The following ASIC5 variants were observed in gnomAD, a reference collection of about 807,000 sequenced individuals.
The protein encoded by ASIC5 is acid sensing ion channel subunit family member 5.
In ASIC5, 52 loss-of-function variants were observed where a neutral mutation model predicts 51.2. That is an observed-to-expected ratio of 1.02 (90% CI 0.81 to 1.28). ASIC5 has a LOEUF of 1.28. Ranked by LOEUF, ASIC5 falls within the 50% of genes most tolerant of loss-of-function variation. The pLI, the probability that ASIC5 is intolerant of heterozygous loss-of-function variation, is 0.00. For missense variants in ASIC5, 635 were observed against 595.0 expected, an observed-to-expected ratio of 1.07 and a Z score of -0.70; for synonymous variants, 231 against 200.7, an observed-to-expected ratio of 1.15 and a Z score of -1.28.
intron 8 of ASIC5, among the ~76,000 whole-genome samples, chr4:155,834,661 G>A (rs72681531): frequency 1.8e-4 from 28 of 152,062 alleles, no homozygotes; most frequent in Non-Finnish European, 3.4e-4. Context: ...CGGTTCCCTG[G>A]CAAAGGCCCA....
At chr4:155,865,709 T>C (rs933751923) in intron 1 of ASIC5, among the ~76,000 whole-genome samples, 6 of 152,074 alleles carry the variant, frequency 3.9e-5, no homozygotes, top group African/African-American at 1.4e-4. Flanking sequence ...TTTAGGTAAA[T>C]GTATGACTGT....
chr4:155,866,062 A>G (rs1399044), intron 1 of ASIC5, 125 bp downstream of exon 1: 536,145 of 553,480 alleles, frequency 0.97, 260,213 homozygotes, highest in East Asian at 1. Flanking sequence ...TATATTACTT[A>G]TATTGTGTTC....
At chr4:155,848,466 C>A (rs1023551773) in intron 4 of ASIC5, among the ~76,000 whole-genome samples, 1 of 151,792 alleles carries the variant, frequency 6.6e-6, no homozygotes, top group Non-Finnish European at 1.5e-5. Flanking sequence ...GGTAAGTGTT[C>A]CAGAATTAAT....
chr4:155,843,896 A>G (rs2111241268), intron 4 of ASIC5, 66 bp from the exon 5 acceptor site: 1 of 1,475,702 alleles, frequency 6.8e-7, no homozygotes, highest in Middle Eastern at 1.7e-4. Flanking sequence ...CAAGTTTAGG[A>G]TTTAGTTTTA....
intron 8 of ASIC5, among the ~76,000 whole-genome samples, chr4:155,834,847 G>A (rs1189760484): frequency 6.6e-6 from 1 of 152,132 alleles, no homozygotes; most frequent in Non-Finnish European, 1.5e-5. Flanking sequence ...ATGGCAAAAT[G>A]ATGTGGCAGA....
intron 2 of ASIC5, among the ~76,000 whole-genome samples, chr4:155,860,147 T>G (rs1222719833): frequency 6.6e-6 from 1 of 152,002 alleles, no homozygotes; most frequent in Non-Finnish European, 1.5e-5. Context: ...TTTCTACTGG[T>G]GTATTTTAGT....
At chr4:155,855,252 C>T (rs1741502868) in intron 2 of ASIC5, 2 of 151,988 alleles carry the variant, frequency 1.3e-5, no homozygotes, top group Admixed American at 1.3e-4. Context: ...TAACCTACCT[C>T]AAAGTGTTCT....
chr4:155,830,941 C>A (rs893050706), intron 9 of ASIC5, among the ~76,000 whole-genome samples: 1 of 152,204 alleles, frequency 6.6e-6, no homozygotes, highest in East Asian at 1.9e-4. Flanking sequence ...AGAGCTTTGG[C>A]AAATTTACAT....
intron 7 of ASIC5, 151 bp downstream of exon 7, chr4:155,838,662 G>A: frequency 2.1e-6 from 1 of 479,888 alleles, no homozygotes; most frequent in Non-Finnish European, 3.7e-6. Context: ...GTGTTTGTTA[G>A]CTACTATTTA....
Position 155,863,519 on chromosome 4 carries a change from G to A in ASIC5, c.276C>T (p.Thr92=), listed in dbSNP as rs17033623. Residue 92 remains threonine (T), a synonymous_variant, in exon 2 of 10, where the codon ACC becomes ACT. Transcript: ENST00000537611. ...IRLLNYFTWP[T]TTSIEVQYVE... The stretch of plus-strand genomic sequence containing the variant: ...CATATTGAACCTCAATGGACGTTGT[G>A]GTTGGCCATGTGAAGTAGTTGAGCA... The A allele has an allele frequency of 0.014, 22,942 of 1,613,690 alleles. 971 individuals are homozygous for A. Among genetic ancestry groups the A allele is most frequent in the African/African-American group, 0.096 (7,175 of 74,984 alleles).
At chr4:155,864,382 G>T (rs1011432153) in intron 1 of ASIC5, 3 of 152,022 alleles carry the variant, frequency 2.0e-5, no homozygotes, top group African/African-American at 7.2e-5. Context: ...AGTCTATCAG[G>T]AATCAATCAA....
chr4:155,846,583 G>T (rs1287041116), intron 4 of ASIC5, among the ~76,000 whole-genome samples: 1 of 152,098 alleles, frequency 6.6e-6, no homozygotes, highest in Admixed American at 6.6e-5. Flanking sequence ...ACAGCTTGGA[G>T]GTTAGAAGCA....
chr4:155,852,072 A>G (rs1741393416), intron 4 of ASIC5, 119 bp downstream of exon 4: 1 of 1,217,388 alleles, frequency 8.2e-7, no homozygotes, highest in Non-Finnish European at 1.2e-6. Context: ...GACTAAATTA[A>G]CAAAAACTGA....
intron 7 of ASIC5, among the ~76,000 whole-genome samples, chr4:155,837,400 T>A (rs553656921): frequency 6.6e-6 from 1 of 152,312 alleles, no homozygotes; most frequent in African/African-American, 2.4e-5. Flanking sequence ...GTGATCTCTC[T>A]TGGCTCCTTC....
At chr4:155,865,834 G>C (rs1292049369) in intron 1 of ASIC5, among the ~76,000 whole-genome samples, 1 of 152,056 alleles carries the variant, frequency 6.6e-6, no homozygotes, top group East Asian at 1.9e-4. Flanking sequence ...CTTGCATTGA[G>C]TGCTGATCAA....
chr4:155,837,918 T>C (rs910167805), intron 7 of ASIC5, among the ~76,000 whole-genome samples: 4 of 152,072 alleles, frequency 2.6e-5, no homozygotes, highest in African/African-American at 9.7e-5. Context: ...ATGGTTTTTT[T>C]CCCCAAGCTC....
In ASIC5 at chr4:155,852,251, T is replaced by C. The variant is rs373229990; in HGVS notation, c.651A>G (p.Gln217=). 1.2e-6 allele frequency: 2 copies of C among 1,608,486 alleles called. No individual in the cohort carries two copies. Among genetic ancestry groups the C allele is most frequent in the African/African-American group, 2.7e-5 (2 of 74,466 alleles). The change falls in exon 4 of 10, where the codon CAA becomes CAG. Residue 217 remains glutamine, a synonymous_variant. Transcript: ENST00000537611. ...CAGAGACACTCACTTTTCTCTTTGC[T>C]TGGAGAGTTTCACCATGATTAAAAG... The part of the protein sequence containing the change: ...CFTFNHGETL[Q]AKRKVSVSGR...
At chr4:155,844,992 C>T (rs1446526749) in intron 4 of ASIC5, among the ~76,000 whole-genome samples, 6 of 151,850 alleles carry the variant, frequency 4.0e-5, no homozygotes, top group African/African-American at 1.5e-4. Flanking sequence ...GCTAGCAGCA[C>T]ATTTTGGGTC....
chr4:155,844,639 T>G (rs1741199300), intron 4 of ASIC5, among the ~76,000 whole-genome samples: 1 of 151,932 alleles, frequency 6.6e-6, no homozygotes, highest in Admixed American at 6.6e-5. Context: ...GTTTTGGTTC[T>G]TTCTCTCATT....
Sources: gnomAD v4.1 joint callset for allele counts (sites outside exome capture counted in the v4.1 genomes callset) on GRCh38, gnomAD v4.1.1 for gene constraint, MANE v1.5 for transcripts, NCBI Gene and HGNC (gene_info 2026-07-23, HGNC 2026-07-21) for gene names.